UBE2G1: variants seen among roughly 807,000 people sequenced by gnomAD.
UBE2G1 encodes the protein ubiquitin-conjugating enzyme E2 G1.
UBE2G1 carries 5 observed loss-of-function variants against 22.7 expected under a neutral mutation model. The ratio of observed to expected loss-of-function variants is 0.22; its 90% CI spans 0.12 to 0.46. The LOEUF (loss-of-function observed/expected upper bound fraction) is 0.46. Among genes scored for constraint, UBE2G1 ranks in the 20% least tolerant of loss-of-function variants. The probability of loss-of-function intolerance (pLI) is 0.99; values close to 1 mark genes in which losing one functional copy is unlikely to be tolerated. For missense variants in UBE2G1, 88 were observed against 203.9 expected (o/e 0.43, Z 3.46); for synonymous variants, 74 against 67.5 (o/e 1.10, Z -0.47).
intron 1 of UBE2G1, among the ~76,000 whole-genome samples, chr17:4,357,028 G>T (rs551324428): frequency 2.0e-5 from 3 of 152,006 alleles, no homozygotes; most frequent in African/African-American, 7.3e-5. Context: ...CCAAGAAATC[G>T]ACAGTGGTGC....
At chr17:4,296,380 A>G (rs1321288045) in intron 3 of UBE2G1, among the ~76,000 whole-genome samples, 1 of 152,152 alleles carries the variant, frequency 6.6e-6, no homozygotes, top group African/African-American at 2.4e-5. Context: ...CTTGTGCCTC[A>G]GCCTCCGAAG....
At chr17:4,316,277 G>A (rs1210307981) in intron 1 of UBE2G1, among the ~76,000 whole-genome samples, 2 of 152,136 alleles carry the variant, frequency 1.3e-5, no homozygotes, top group African/African-American at 4.8e-5. Flanking sequence ...CAAGGTATAT[G>A]TCTGTAAAGT....
intron 1 of UBE2G1, among the ~76,000 whole-genome samples, chr17:4,342,124 T>C (rs1489461562): frequency 1.3e-5 from 2 of 152,234 alleles, no homozygotes; most frequent in South Asian, 2.1e-4. Flanking sequence ...AGATCAAATA[T>C]AGTAAGCTGC....
At position 4,366,398 on chromosome 17, in the gene UBE2G1, G is replaced by T; in HGVS notation, c.-82C>A. 7.5e-7 allele frequency: 1 copy of T among 1,337,252 alleles called. No individual in the cohort carries two copies. The highest frequency in any genetic ancestry group is 9.7e-7 in the Non-Finnish European group (1 of 1,035,526). The allele number at this position is 1,337,252 out of a possible 1,614,324, so 82.8% of individuals were successfully genotyped here. On this transcript the variant is annotated 5_prime_UTR_variant, in exon 1 of 6. Transcript: ENST00000396981. ...TCTGGGGGCGGCTGGAGCGGGGTGTGCCGAGGAACCCGGGCCCCGCGACCG... is the reference window on the plus strand; with the variant it reads ...TCTGGGGGCGGCTGGAGCGGGGTGTTCCGAGGAACCCGGGCCCCGCGACCG...
chr17:4,311,783 T>C (rs1418666524), intron 1 of UBE2G1, among the ~76,000 whole-genome samples: 4 of 152,182 alleles, frequency 2.6e-5, no homozygotes, highest in South Asian at 2.1e-4. Flanking sequence ...TTACCTATAA[T>C]GTCAATTCCT....
intron 4 of UBE2G1, among the ~76,000 whole-genome samples, chr17:4,288,567 A>G (rs894245332): frequency 7.9e-5 from 12 of 152,004 alleles, no homozygotes; most frequent in African/African-American, 2.9e-4. Flanking sequence ...CTACTGTAGG[A>G]CTTTGCTCTG....
chr17:4,312,930 G>A (rs1969328510), intron 1 of UBE2G1, among the ~76,000 whole-genome samples: 1 of 152,088 alleles, frequency 6.6e-6, no homozygotes, highest in Non-Finnish European at 1.5e-5. Flanking sequence ...AGTGGACAAA[G>A]AGAAGATGAA....
chr17:4,289,528 A>G (rs1388064379), intron 3 of UBE2G1, 120 bp from the exon 4 acceptor site: 1 of 1,116,526 alleles, frequency 9.0e-7, no homozygotes, highest in East Asian at 2.7e-5. Context: ...ACATACGCAG[A>G]AGTTAATGTC....
intron 1 of UBE2G1, among the ~76,000 whole-genome samples, chr17:4,363,581 ATTG>A (rs1272843994): frequency 2.6e-5 from 4 of 152,304 alleles, no homozygotes; most frequent in Admixed American, 6.5e-5. Context: ...TGCTGCTGAC[ATTG>A]TTATCTTATT....
chr17:4,289,128 C>CGTGT, intron 4 of UBE2G1, 102 bp downstream of exon 4: 1 of 876,850 alleles, frequency 1.1e-6, no homozygotes. Flanking sequence ...CACACACACA[C>CGTGT]ACGCATGCAT....
intron 1 of UBE2G1, among the ~76,000 whole-genome samples, chr17:4,342,216 T>TG (rs1969720106): frequency 6.6e-6 from 1 of 152,068 alleles, no homozygotes; most frequent in African/African-American, 2.4e-5. Context: ...TATCTCTCCT[T>TG]GTCCTGCGTC....
rs1319920364 is a variant in UBE2G1, at chr17:4,270,708, T to C, written c.*1846A>G. The stretch of plus-strand genomic sequence containing the variant: ...GAAAACTGGGTTCTAATGAATCAAT[T>C]TCCAGTCACAACACACTTACGAGTT... On this transcript the variant is annotated 3_prime_UTR_variant, in exon 6 of 6. Coordinates refer to ENST00000396981, the MANE Select transcript of UBE2G1 (RefSeq NM_003342.5). The C allele has an allele frequency of 6.6e-6, 1 of 152,060 alleles. No individual in the cohort carries two copies. Among genetic ancestry groups the C allele is most frequent in the Admixed American group, 6.6e-5 (1 of 15,260 alleles). The allele number at this position is 152,060 out of a possible 1,614,324, so 9.4% of individuals were successfully genotyped here. A position where few individuals can be genotyped will look rare whatever the true frequency, so the allele number is the denominator to read the frequency against.
intron 4 of UBE2G1, among the ~76,000 whole-genome samples, chr17:4,285,540 A>G (rs1431289877): frequency 6.6e-6 from 1 of 152,216 alleles, no homozygotes; most frequent in Non-Finnish European, 1.5e-5. Context: ...GGAAGAAATC[A>G]ACCAAGAAGA....
chr17:4,323,936 A>G (rs1043622694), intron 1 of UBE2G1, among the ~76,000 whole-genome samples: 2 of 152,198 alleles, frequency 1.3e-5, no homozygotes, highest in South Asian at 2.1e-4. Flanking sequence ...GCAACCCTTA[A>G]TGTAATAATC....
intron 2 of UBE2G1, chr17:4,302,550 GA>G: frequency 2.6e-6 from 1 of 383,524 alleles, no homozygotes; most frequent in Non-Finnish European, 5.2e-6. Context: ...GACACTGGGG[GA>G]TATTTGTTTT....
intron 1 of UBE2G1, among the ~76,000 whole-genome samples, chr17:4,329,686 C>T (rs1280493884): frequency 6.6e-6 from 1 of 152,088 alleles, no homozygotes; most frequent in East Asian, 1.9e-4. Context: ...GGATTTCAAC[C>T]ATGACTGAAA....
At chr17:4,345,648 T>C (rs1969759235) in intron 1 of UBE2G1, 1 of 152,224 alleles carries the variant, frequency 6.6e-6, no homozygotes, top group Admixed American at 6.5e-5. Flanking sequence ...TCTTTAGTCA[T>C]AGTAACGAGA....
intron 1 of UBE2G1, among the ~76,000 whole-genome samples, chr17:4,326,838 A>T (rs1969508295): frequency 6.6e-6 from 1 of 152,254 alleles, no homozygotes; most frequent in Admixed American, 6.5e-5. Flanking sequence ...CAGATACAAA[A>T]GGATAAATAT....
chr17:4,287,504 G>T (rs1968979336), intron 4 of UBE2G1, among the ~76,000 whole-genome samples: 1 of 152,104 alleles, frequency 6.6e-6, no homozygotes, highest in Non-Finnish European at 1.5e-5. Context: ...TTTTAATGCA[G>T]CTATCACCCC....
Sources: gnomAD v4.1 joint callset for allele counts (sites outside exome capture counted in the v4.1 genomes callset) on GRCh38, gnomAD v4.1.1 for gene constraint, MANE v1.5 for transcripts, NCBI Gene and HGNC (gene_info 2026-07-23, HGNC 2026-07-21) for gene names.